The following TMEM267 variants were observed in gnomAD, a reference collection of about 807,000 sequenced individuals.
TMEM267 encodes the protein transmembrane protein 267, also known as transmembrane protein C5orf28.
A neutral mutation model predicts 19.3 loss-of-function variants in TMEM267; 20 were observed. The observed-to-expected ratio is 1.04, with a 90% CI of 0.73 to 1.51. The LOEUF is 1.51. Ranked by LOEUF, TMEM267 falls within the 40% of genes most tolerant of loss-of-function variation. The probability of loss-of-function intolerance (pLI) is 0.00; values close to 1 mark genes in which losing one functional copy is unlikely to be tolerated. For missense variants in TMEM267, 242 were observed against 261.9 expected (o/e 0.92, Z 0.52); for synonymous variants, 88 against 90.3 (o/e 0.97, Z 0.15).
At chr5:43,482,770 A>C (rs1744865952) in intron 1 of TMEM267, among the ~76,000 whole-genome samples, 1 of 152,114 alleles carries the variant, frequency 6.6e-6, no homozygotes, top group Non-Finnish European at 1.5e-5. Flanking sequence ...AATACCACTA[A>C]CTTTGGGGCC....
upstream of TMEM267, chr5:43,484,280 C>T (rs1383687738): frequency 1.3e-5 from 2 of 152,210 alleles, no homozygotes; most frequent in Admixed American, 6.5e-5. Context: ...GAGCTGGGAG[C>T]CTCGGCCGTC....
At chr5:43,471,520 T>G (rs1337508057) in intron 1 of TMEM267, among the ~76,000 whole-genome samples, 1 of 151,650 alleles carries the variant, frequency 6.6e-6, no homozygotes, top group Non-Finnish European at 1.5e-5. Flanking sequence ...ACTGGAAGAA[T>G]CACATTACCT....
intron 1 of TMEM267, among the ~76,000 whole-genome samples, chr5:43,482,638 A>G (rs141194195): frequency 4.5e-4 from 68 of 152,346 alleles, no homozygotes; most frequent in Non-Finnish European, 7.8e-4. Context: ...CCTATGAACT[A>G]AAGATACTGT....
chr5:43,446,224 A>G lies in TMEM267; in HGVS notation c.646T>C (p.Ter216ArgextTer6). The G allele has an allele frequency of 3.7e-6, 6 of 1,601,862 alleles. No individual in the cohort carries two copies. The highest frequency in any genetic ancestry group is 4.3e-6 in the Non-Finnish European group (5 of 1,169,972). Residue 216 changes from the stop codon to arginine (R), a stop_lost, in exon 3 of 3, where the codon TGA (stop) becomes CGA (arginine). Transcript: ENST00000397080. ...SSKHGVRIDV* is the reference protein window; with the variant it reads ...SSKHGVRIDVR The stretch of plus-strand genomic sequence containing the variant: ...CTTCTCTAAGACTGCCGTGTACCTC[A>G]GACATCAATACGAACTCCATGTTTT...
At chr5:43,468,101 A>C (rs561341276) in intron 1 of TMEM267, among the ~76,000 whole-genome samples, 2 of 142,250 alleles carry the variant, frequency 1.4e-5, no homozygotes, top group Non-Finnish European at 3.0e-5. Context: ...ATTAACTTTC[A>C]TACCTTGGTT....
At chr5:43,472,650 T>C (rs1579823913) in intron 1 of TMEM267, among the ~76,000 whole-genome samples, 1 of 152,264 alleles carries the variant, frequency 6.6e-6, no homozygotes, top group Non-Finnish European at 1.5e-5. Context: ...ACAACATGGA[T>C]GGAACTGGAG....
rs142187685 is a variant in TMEM267 at position 43,446,451 on chromosome 5, G to A, written c.419C>T (p.Ser140Leu). 4.3e-5 allele frequency: 70 copies of A among 1,613,550 alleles called. No individual in the cohort carries two copies. Among genetic ancestry groups the A allele is most frequent in the Non-Finnish European group, 5.6e-5 (66 of 1,179,536 alleles). ...FTMHLFKLKD[S>L]WCFLPWMLFI... ...TAACATCCAGGGAAGAAAGCACCAT[G>A]AGTCTTTGAGCTTGAAAAGGTGCAT... Residue 140 changes from serine (S) to leucine (L), a missense_variant, in exon 3 of 3, where the codon TCA (serine) becomes TTA (leucine). Ser to Leu is a moderately radical substitution (Grantham distance 145, BLOSUM62 -2). Coordinates refer to ENST00000397080, the MANE Select transcript of TMEM267 (RefSeq NM_022483.5).
At chr5:43,469,834 C>T (rs1225123976) in intron 1 of TMEM267, among the ~76,000 whole-genome samples, 1 of 152,190 alleles carries the variant, frequency 6.6e-6, no homozygotes, top group Non-Finnish European at 1.5e-5. Flanking sequence ...TTGCGGATCT[C>T]AAGATCTTTA....
chr5:43,454,236 G>A (rs1428640), intron 1 of TMEM267, among the ~76,000 whole-genome samples, 193 bp from the exon 2 acceptor site: 89,896 of 145,960 alleles, frequency 0.62, 30,129 homozygotes, highest in African/African-American at 0.89. Flanking sequence ...TTTTTAGGAA[G>A]AGCAGGGTAC....
At chr5:43,466,027 T>C (rs114107279) in intron 1 of TMEM267, among the ~76,000 whole-genome samples, 1 of 150,852 alleles carries the variant, frequency 6.6e-6, no homozygotes, top group Non-Finnish European at 1.5e-5. Flanking sequence ...TTTAAAACTT[T>C]AAAAAAAATA....
intron 1 of TMEM267, among the ~76,000 whole-genome samples, chr5:43,460,299 G>A (rs1561189865): frequency 6.6e-6 from 1 of 152,088 alleles, no homozygotes. Context: ...TGGCCTGGGG[G>A]TGGGGACTCC....
At chr5:43,448,283 ATATTAT>A (rs1157985664) in intron 2 of TMEM267, among the ~76,000 whole-genome samples, 1 of 152,182 alleles carries the variant, frequency 6.6e-6, no homozygotes, top group East Asian at 1.9e-4. Flanking sequence ...TACCATTTCT[ATATTAT>A]TATTCTACTT....
At chr5:43,456,417 A>G (rs958205057) in intron 1 of TMEM267, among the ~76,000 whole-genome samples, 2 of 112,382 alleles carry the variant, frequency 1.8e-5, no homozygotes, top group Non-Finnish European at 3.5e-5. Context: ...GATCCATTAA[A>G]AAATTGGTAA....
rs1742220944 is a variant in TMEM267 at position 43,446,161 on chromosome 5, T to C, written c.*61A>G. 3.0e-6 allele frequency: 3 copies of C among 1,006,750 alleles called. No homozygotes were observed. The highest frequency in any genetic ancestry group is 2.4e-5 in the East Asian group (1 of 41,434). The allele number at this position is 1,006,750 out of a possible 1,614,324, so 62.4% of individuals were successfully genotyped here. Reference sequence around the variant, plus strand: ...CTGTATTTTTAAAAATTAACTTTAATGTTGGCTACTCTTAATTATCATCAT... The same window carrying C: ...CTGTATTTTTAAAAATTAACTTTAACGTTGGCTACTCTTAATTATCATCAT... On this transcript the variant is annotated 3_prime_UTR_variant, in exon 3 of 3. Coordinates refer to ENST00000397080, the MANE Select transcript of TMEM267 (RefSeq NM_022483.5).
intron 1 of TMEM267, among the ~76,000 whole-genome samples, chr5:43,471,409 T>C (rs1744058238): frequency 6.6e-6 from 1 of 151,352 alleles, no homozygotes; most frequent in African/African-American, 2.4e-5. Context: ...AAAATACTAA[T>C]GACATTCTTC....
intron 1 of TMEM267, among the ~76,000 whole-genome samples, chr5:43,469,775 A>T (rs1293921247): frequency 6.6e-6 from 1 of 152,244 alleles, no homozygotes; most frequent in Non-Finnish European, 1.5e-5. Flanking sequence ...ATAGCTACAA[A>T]GATAAAAAGC....
At chr5:43,455,301 T>C (rs908609478) in intron 1 of TMEM267, among the ~76,000 whole-genome samples, 10 of 151,806 alleles carry the variant, frequency 6.6e-5, no homozygotes, top group African/African-American at 2.2e-4. Context: ...TGCATGCCTG[T>C]AGTCCCAGCT....
intron 1 of TMEM267, among the ~76,000 whole-genome samples, chr5:43,469,596 T>G (rs1051503730): frequency 6.6e-6 from 1 of 152,210 alleles, no homozygotes; most frequent in African/African-American, 2.4e-5. Context: ...TAACTGGGTA[T>G]GGAAGAACAT....
chr5:43,482,809 C>T (rs1456631543), intron 1 of TMEM267, among the ~76,000 whole-genome samples: 1 of 152,192 alleles, frequency 6.6e-6, no homozygotes, highest in African/African-American at 2.4e-5. Context: ...GTACTTTTCT[C>T]CTTCCTGAAT....
Sources: allele counts gnomAD v4.1 joint callset (sites outside exome capture counted in the v4.1 genomes callset), GRCh38; gene constraint gnomAD v4.1.1; transcripts MANE v1.5; gene names NCBI Gene and HGNC (gene_info 2026-07-23, HGNC 2026-07-21).